The following PKNOX1 variants were observed in gnomAD, a reference collection of about 807,000 sequenced individuals.
The protein encoded by PKNOX1 is homeobox protein PKNOX1.
A neutral mutation model predicts 51.9 loss-of-function variants in PKNOX1; 15 were observed. That is an observed-to-expected ratio of 0.29 (90% CI 0.19 to 0.45). The LOEUF is 0.45. Ranked by LOEUF, PKNOX1 falls within the 20% of genes least tolerant of loss-of-function variation. The pLI, the probability that PKNOX1 is intolerant of heterozygous loss-of-function variation, is 1.00. For synonymous variants in PKNOX1, 219 were observed against 211.1 expected (o/e 1.04, Z -0.32); for missense variants, 462 against 547.5 (o/e 0.84, Z 1.56).
At chr21:42,980,562 C>G (rs190915882) in intron 1 of PKNOX1, among the ~76,000 whole-genome samples, 18 of 152,206 alleles carry the variant, frequency 1.2e-4, no homozygotes, top group African/African-American at 3.4e-4. Flanking sequence ...GAGGGGGCGT[C>G]TTAAATTTTC....
At chr21:43,015,771 G>A (rs969068211) in intron 5 of PKNOX1, among the ~76,000 whole-genome samples, 3 of 152,018 alleles carry the variant, frequency 2.0e-5, no homozygotes, top group Non-Finnish European at 4.4e-5. Flanking sequence ...AGGGTCTATA[G>A]TGATCTCTTC....
intron 1 of PKNOX1, among the ~76,000 whole-genome samples, chr21:42,983,338 C>T (rs1431650790): frequency 2.6e-5 from 4 of 152,114 alleles, no homozygotes; most frequent in African/African-American, 4.8e-5. Context: ...ATTCTACTTC[C>T]TGTCTCTGAA....
At chr21:42,984,220 C>T (rs2059040584) in intron 1 of PKNOX1, among the ~76,000 whole-genome samples, 1 of 151,152 alleles carries the variant, frequency 6.6e-6, no homozygotes, top group Non-Finnish European at 1.5e-5. Flanking sequence ...GACTTAAAGA[C>T]ATGGGCCCCT....
intron 3 of PKNOX1, among the ~76,000 whole-genome samples, chr21:43,008,061 T>TCTCACACACACACACACACACA (rs59792199): frequency 4.8e-5 from 7 of 146,774 alleles, no homozygotes; most frequent in African/African-American, 1.3e-4. Context: ...CAAAACTCTG[T>TCTCACACACACACACACACACA]CACACACACA....
In PKNOX1 at chr21:43,016,800, C is replaced by T. The variant is rs558830530; in HGVS notation, c.523-108C>T. On this transcript the variant is annotated intron_variant, in intron 5 of 10. Coordinates refer to ENST00000291547, the MANE Select transcript of PKNOX1 (RefSeq NM_004571.5). ...ATCTGAGGATGTTCTTTCCCTCAAG[C>T]TTCTCTTTCCTTTTTTAATGGTGTC... The T allele has an allele frequency of 4.0e-5, 26 of 646,224 alleles. No homozygotes were observed. The African/African-American group carries it at 4.4e-4, about 11-fold the overall frequency. The allele number at this position is 646,224 out of a possible 1,614,324, so 40.0% of individuals were successfully genotyped here.
At chr21:43,004,194 G>A (rs372158981) in intron 1 of PKNOX1, 132 bp from the exon 2 acceptor site, 29 of 472,778 alleles carry the variant, frequency 6.1e-5, no homozygotes, top group East Asian at 2.4e-4. Flanking sequence ...CCGAGATCGC[G>A]CCATTGCACT....
chr21:42,976,243 A>G (rs947914672), intron 1 of PKNOX1, among the ~76,000 whole-genome samples: 3 of 152,194 alleles, frequency 2.0e-5, no homozygotes, highest in African/African-American at 4.8e-5. Context: ...AGCAAGCATT[A>G]TATCTATAAA....
Position 43,017,027 on chromosome 21 carries a change from G to A in PKNOX1, c.622+20G>A. On this transcript the variant is annotated intron_variant, in intron 6 of 10. Transcript: ENST00000291547. Reference sequence around the variant, plus strand: ...TGGCAGGTACGATGACAGAAAAATGGACACACTCTCCATGAGTTTTTGCAG... The same window carrying A: ...TGGCAGGTACGATGACAGAAAAATGAACACACTCTCCATGAGTTTTTGCAG... 2 of 1,548,908 alleles carry A rather than the reference G, an allele frequency of 1.3e-6. No homozygotes were observed. The highest frequency in any genetic ancestry group is 1.4e-5 in the African/African-American group (1 of 73,788).
At chr21:43,013,361 C>T (rs182579752) in intron 5 of PKNOX1, 123 bp downstream of exon 5, 2 of 675,324 alleles carry the variant, frequency 3.0e-6, no homozygotes, top group Admixed American at 3.5e-5. Flanking sequence ...CAAGAAGGAC[C>T]CTCTAGGTCT....
At chr21:43,024,664 TGC>T (rs879422347) in intron 8 of PKNOX1, 22,788 of 566,364 alleles carry the variant, frequency 0.04, 613 homozygotes, top group Middle Eastern at 0.076. Flanking sequence ...CCTTGGCCTA[TGC>T]ACTAACCAGC....
intron 10 of PKNOX1, among the ~76,000 whole-genome samples, chr21:43,029,361 G>T (rs771292585): frequency 1.1e-4 from 16 of 151,554 alleles, no homozygotes; most frequent in Admixed American, 3.9e-4. Context: ...GTTCGCATGA[G>T]GTCTTCATAT....
In PKNOX1 at chr21:43,007,538, T is replaced by G; in HGVS notation, c.99T>G (p.Ser33=). 1 of 1,613,958 alleles carries G rather than the reference T, an allele frequency of 6.2e-7. No individual in the cohort carries two copies. Among genetic ancestry groups the G allele is most frequent in the Non-Finnish European group, 8.5e-7 (1 of 1,179,828 alleles). The part of the protein sequence containing the change: ...ELKTEQDPNC[S]EPDAEGVSPP... ...AGACAGAACAAGATCCAAACTGCTC[T>G]GAACCCGATGCAGAAGGAGTGAGCC... is the stretch of plus-strand genomic sequence containing the variant. The change falls in exon 3 of 11, where the codon TCT becomes TCG. Residue 33 remains serine, a synonymous_variant. Transcript: ENST00000291547.
At chr21:43,001,655 C>T (rs1170068183) in intron 1 of PKNOX1, among the ~76,000 whole-genome samples, 1 of 152,110 alleles carries the variant, frequency 6.6e-6, no homozygotes, top group East Asian at 1.9e-4. Flanking sequence ...GCTTTAAACA[C>T]ATTAAATATC....
intron 4 of PKNOX1, among the ~76,000 whole-genome samples, chr21:43,011,773 A>G (rs1156508374): frequency 1.3e-5 from 2 of 152,212 alleles, no homozygotes; most frequent in East Asian, 1.9e-4. Flanking sequence ...GAAAATTCTC[A>G]TTATATACTC....
rs980178494 is a variant in PKNOX1, at chr21:43,016,934, C to T, written c.549C>T (p.Thr183=). The part of the protein sequence containing the change: ...SQQIQSAITG[T]ISPQGIVVPA... ...AGATTCAAAGTGCCATCACAGGCACCATCAGCCCTCAGGGAATTGTGGTGC... is the reference window on the plus strand; with the variant it reads ...AGATTCAAAGTGCCATCACAGGCACTATCAGCCCTCAGGGAATTGTGGTGC... Residue 183 remains threonine, a synonymous_variant, in exon 6 of 11, where the codon ACC becomes ACT. Transcript: ENST00000291547. The T allele has an allele frequency of 6.2e-6, 10 of 1,611,148 alleles. No homozygotes were observed. In the East Asian group the frequency reaches 2.2e-4, roughly 36 times the overall value.
At chr21:43,018,363 G>A in intron 7 of PKNOX1, 133 bp downstream of exon 7, 1 of 601,678 alleles carries the variant, frequency 1.7e-6, no homozygotes, top group African/African-American at 1.9e-5. Flanking sequence ...TTCTCTGAAT[G>A]TCAGTGTTTT....
At chr21:42,975,026 A>C (rs1213071924) in intron 1 of PKNOX1, among the ~76,000 whole-genome samples, 1 of 125,602 alleles carries the variant, frequency 8.0e-6, no homozygotes, top group African/African-American at 3.0e-5. Context: ...TCCCTTTCGG[A>C]GTGCGGCGCG....
intron 1 of PKNOX1, among the ~76,000 whole-genome samples, chr21:42,985,261 A>G (rs2059046398): frequency 6.6e-6 from 1 of 151,976 alleles, no homozygotes; most frequent in Non-Finnish European, 1.5e-5. Flanking sequence ...TGCTGGGATT[A>G]CAGGCGTGAG....
At position 43,014,272 on chromosome 21, in the gene PKNOX1, T is replaced by C. The variant is rs534587998; in HGVS notation, c.522+1034T>C. Among the ~76,000 whole-genome samples, 99 of 152,226 alleles carry C rather than the reference T, an allele frequency of 6.5e-4. 1 individual carries two copies. Among genetic ancestry groups the C allele is most frequent in the East Asian group, 3.3e-3 (17 of 5,178 alleles). On this transcript the variant is annotated intron_variant, in intron 5 of 10. Coordinates refer to ENST00000291547, the MANE Select transcript of PKNOX1 (RefSeq NM_004571.5). ...TCCTGACCTCGTGATCCGCCCGCCT[T>C]GGCCTCCCAAAGTGCTGGGATTACA...
Sources: gnomAD v4.1 joint callset for allele counts (sites outside exome capture counted in the v4.1 genomes callset) on GRCh38, gnomAD v4.1.1 for gene constraint, MANE v1.5 for transcripts, NCBI Gene and HGNC (gene_info 2026-07-23, HGNC 2026-07-21) for gene names.